SOS1: variants seen among roughly 807,000 people sequenced by gnomAD.
SOS1 encodes SOS Ras/Rac guanine nucleotide exchange factor 1, also known as son of sevenless homolog 1.
SOS1 carries 25 observed loss-of-function variants against 157.6 expected under a neutral mutation model. The ratio of observed to expected loss-of-function variants is 0.16; its 90% CI spans 0.12 to 0.22. The LOEUF (loss-of-function observed/expected upper bound fraction) is 0.22. SOS1 is among the 10% of genes least tolerant of loss of function. SOS1 has a pLI of 1.00. For missense variants in SOS1, 1,237 were observed against 1,599.1 expected, an observed-to-expected ratio of 0.77 and a Z score of 3.86; for synonymous variants, 528 against 534.0, an observed-to-expected ratio of 0.99 and a Z score of 0.16.
At chr2:39,049,887 A>T (rs942051774) in intron 6 of SOS1, among the ~76,000 whole-genome samples, 1 of 152,238 alleles carries the variant, frequency 6.6e-6, no homozygotes, top group East Asian at 1.9e-4. Context: ...GCATCCTGTT[A>T]TAAGGAGGGA....
At chr2:39,027,369 A>C (rs1669999559) in intron 8 of SOS1, among the ~76,000 whole-genome samples, 2 of 152,250 alleles carry the variant, frequency 1.3e-5, no homozygotes, top group Non-Finnish European at 2.9e-5. Flanking sequence ...ACAAACCCAA[A>C]GTACATTTCA....
chr2:39,022,257 A>C (rs1259273146), intron 10 of SOS1, among the ~76,000 whole-genome samples: 4 of 151,846 alleles, frequency 2.6e-5, no homozygotes, highest in Non-Finnish European at 5.9e-5. Context: ...GGAGTAAAAA[A>C]CTTTTTAGAT....
chr2:39,007,052 G>A lies in SOS1; in HGVS notation c.2652C>T (p.Tyr884=). 1 of 1,611,498 alleles carries A rather than the reference G, an allele frequency of 6.2e-7. No homozygotes were observed. Among genetic ancestry groups the A allele is most frequent in the Non-Finnish European group, 8.5e-7 (1 of 1,177,752 alleles). The change falls in exon 16 of 23, where the codon TAC becomes TAT. Residue 884 remains tyrosine (Y), a synonymous_variant. Transcript: ENST00000402219. ...VVSAMNSSPV[Y]RLDHTFEQIP... is the part of the protein sequence containing the mutation. Reference sequence around the variant, plus strand: ...CTACCTCAAATGTGTGGTCTAGTCTGTAAACAGGTGATGAATTCATAGCAC... The same window carrying A: ...CTACCTCAAATGTGTGGTCTAGTCTATAAACAGGTGATGAATTCATAGCAC...
intron 8 of SOS1, among the ~76,000 whole-genome samples, chr2:39,025,294 GA>G (rs1431147585): frequency 6.6e-6 from 1 of 151,630 alleles, no homozygotes; most frequent in Non-Finnish European, 1.5e-5. Flanking sequence ...TACCATGAAT[GA>G]AAAGACTTGA....
intron 17 of SOS1, among the ~76,000 whole-genome samples, chr2:39,005,707 A>C (rs1169267890): frequency 1.3e-5 from 2 of 152,080 alleles, no homozygotes; most frequent in African/African-American, 2.4e-5. Context: ...TATATAAAAA[A>C]TATAGATGAG....
rs772787416 is a variant in SOS1 at position 38,997,065 on chromosome 2, TTAA to T, written c.2965-30_2965-28del. 4.4e-5 allele frequency: 54 copies of T among 1,219,960 alleles called. No homozygotes were observed. The African/African-American group carries it at 8.0e-4, about 18-fold the overall frequency. 75.6% of individuals were successfully genotyped at this position (1,219,960 alleles called of 1,614,324 possible). ...TAAAATAAATGCAAAGAAAAAATTATTAATATTCAAAATTATAAATTCAGTTTG... is the reference window on the plus strand; with the variant it reads ...TAAAATAAATGCAAAGAAAAAATTATTATTCAAAATTATAAATTCAGTTTG... On this transcript the variant is annotated intron_variant, in intron 18 of 22. Transcript: ENST00000402219.
rs528245950 is a variant in SOS1 at position 38,983,093 on chromosome 2, A to G, written c.*2731T>C. 6.6e-6 allele frequency: 1 copy of G among 152,274 alleles called. No homozygotes were observed. The highest frequency in any genetic ancestry group is 1.9e-4 in the East Asian group (1 of 5,188). The allele number at this position is 152,274 out of a possible 1,614,324, so 9.4% of individuals were successfully genotyped here. Reference sequence around the variant, plus strand: ...AGTCTTAAAATACATCAGCCTTGAAATATTTTCATTTCTAAAAGAAATGTT... The same window carrying G: ...AGTCTTAAAATACATCAGCCTTGAAGTATTTTCATTTCTAAAAGAAATGTT... On this transcript the variant is annotated 3_prime_UTR_variant, in exon 23 of 23. Transcript: ENST00000402219.
intron 22 of SOS1, 22 bp downstream of exon 22, chr2:38,987,451 A>C: frequency 8.2e-7 from 1 of 1,222,968 alleles, no homozygotes. Flanking sequence ...CAATTTCTAC[A>C]CAACAAGATT....
At position 39,012,316 on chromosome 2, in the gene SOS1, T is replaced by G. The variant is rs727503437; in HGVS notation, c.2200A>C (p.Thr734Pro). Residue 734 changes from threonine to proline, a missense_variant, in exon 14 of 23, where the codon ACT becomes CCT. Physicochemically the swap from Thr to Pro is conservative, Grantham distance 38. Around this residue, in one of 15 missense-constraint regions of SOS1, gnomAD observed 42 missense variants for 80.4 expected, o/e 0.52. Transcript: ENST00000402219. Reference sequence around the variant, plus strand: ...ATTTTTTTCCTTTGGATTATTTTAGTGATGGATTCAACCCATTTTTTCATT... The same window carrying G: ...ATTTTTTTCCTTTGGATTATTTTAGGGATGGATTCAACCCATTTTTTCATT... Reference protein sequence around the residue: ...KAMKKWVESITKIIQRKKIAR... With the variant: ...KAMKKWVESIPKIIQRKKIAR... 6.2e-7 allele frequency: 1 copy of G among 1,610,390 alleles called. No homozygotes were observed. Among genetic ancestry groups the G allele is most frequent in the African/African-American group, 1.3e-5 (1 of 74,826 alleles).
Position 38,985,290 on chromosome 2 carries a change from G to A in SOS1, c.*534C>T, listed in dbSNP as rs773935049. On this transcript the variant is annotated 3_prime_UTR_variant, in exon 23 of 23. Transcript: ENST00000402219. ...GTAAACAGGCCTGTAGTACAGTGCCGGGCCTTGATTTCAACAAGGTCAGGT... is the reference window on the plus strand; with the variant it reads ...GTAAACAGGCCTGTAGTACAGTGCCAGGCCTTGATTTCAACAAGGTCAGGT... 8.4e-4 allele frequency: 146 copies of A among 173,506 alleles called. 1 individual carries two copies. The highest frequency in any genetic ancestry group is 3.0e-3 in the Middle Eastern group (1 of 332). The allele number at this position is 173,506 out of a possible 1,614,324, so 10.7% of individuals were successfully genotyped here. A position where few individuals can be genotyped will look rare whatever the true frequency, so the allele number is the denominator to read the frequency against.
intron 6 of SOS1, among the ~76,000 whole-genome samples, chr2:39,040,059 T>A (rs1478936089): frequency 6.6e-6 from 1 of 152,154 alleles, no homozygotes; most frequent in African/African-American, 2.4e-5. Context: ...TCGCCCAGGC[T>A]GGAGTGCAGT....
intron 1 of SOS1, among the ~76,000 whole-genome samples, chr2:39,074,489 G>A (rs536895076): frequency 2.6e-5 from 4 of 152,132 alleles, no homozygotes; most frequent in South Asian, 2.1e-4. Context: ...GCTTGAACCC[G>A]AGAGGCAGAG....
chr2:39,110,454 T>C (rs1412504248), intron 1 of SOS1, among the ~76,000 whole-genome samples: 1 of 151,230 alleles, frequency 6.6e-6, no homozygotes, highest in Non-Finnish European at 1.5e-5. Flanking sequence ...TTCATAAAAA[T>C]ATCAACACAA....
At chr2:39,022,520 T>G (rs1478997451) in intron 10 of SOS1, 50 bp downstream of exon 10, 6 of 1,434,340 alleles carry the variant, frequency 4.2e-6, no homozygotes, top group Non-Finnish European at 5.9e-6. Context: ...GGAAAGAAAA[T>G]CAGTTTGAAG....
Position 39,120,386 on chromosome 2 carries a change from C to T in SOS1, c.37G>A (p.Glu13Lys). 6.2e-7 allele frequency: 1 copy of T among 1,601,848 alleles called. No homozygotes were observed. Among genetic ancestry groups the T allele is most frequent in the Non-Finnish European group, 8.5e-7 (1 of 1,175,298 alleles). ...AQQLPYEFFS[E>K]ENAPKWRGLL... is the part of the protein sequence containing the mutation. Reference sequence around the variant, plus strand: ...CCCCGCCACTTGGGCGCGTTCTCTTCGCTGAAAAACTCGTAGGGCAGCTGC... The same window carrying T: ...CCCCGCCACTTGGGCGCGTTCTCTTTGCTGAAAAACTCGTAGGGCAGCTGC... Residue 13 changes from glutamate (E) to lysine (K), a missense_variant, in exon 1 of 23, where the codon GAA becomes AAA. Glu to Lys is a moderately conservative substitution (Grantham distance 56). This residue lies in a region of SOS1 where 99 missense variants were observed against 81.6 expected (regional missense o/e 1.21). Transcript: ENST00000402219.
rs1264018180 is a variant in SOS1, at chr2:39,012,276, C to G, written c.2240G>C (p.Gly747Ala). 1 of 1,613,374 alleles carries G rather than the reference C, an allele frequency of 6.2e-7. No homozygotes were observed. Among genetic ancestry groups the G allele is most frequent in the Non-Finnish European group, 8.5e-7 (1 of 1,179,528 alleles). The change falls in exon 14 of 23, where the codon GGA becomes GCA. Residue 747 changes from glycine (G) to alanine (A), a missense_variant. Around this residue, in one of 15 missense-constraint regions of SOS1, gnomAD observed 39 missense variants for 40.5 expected, o/e 0.96. Coordinates refer to ENST00000402219, the MANE Select transcript of SOS1 (RefSeq NM_005633.4). The stretch of plus-strand genomic sequence containing the variant: ...CTGAAATGTAATATTATGACCTGGT[C>G]CATTGTCTCTTGCAATTTTTTTCCT... ...IQRKKIARDN[G>A]PGHNITFQSS...
At chr2:38,995,087 CA>C (rs1668847524) in intron 20 of SOS1, 35 bp downstream of exon 20, 1 of 1,593,084 alleles carries the variant, frequency 6.3e-7, no homozygotes, top group Non-Finnish European at 8.6e-7. Context: ...ATAGTACTAA[CA>C]AATACCTTAA....
rs1668490404 is a variant in SOS1 at position 38,984,408 on chromosome 2, G to A, written c.*1416C>T. 1 of 152,134 alleles carries A rather than the reference G, an allele frequency of 6.6e-6. No homozygotes were observed. Among genetic ancestry groups the A allele is most frequent in the Admixed American group, 6.6e-5 (1 of 15,258 alleles). The allele number at this position is 152,134 out of a possible 1,614,324, so 9.4% of individuals were successfully genotyped here. ...GCAGGTAGATGTTCTATTATGAATA[G>A]TTTTGATAAAGCAGAAAACCTCAAG... On this transcript the variant is annotated 3_prime_UTR_variant, in exon 23 of 23. Transcript: ENST00000402219.
At chr2:39,049,629 A>G (rs894379007) in intron 6 of SOS1, among the ~76,000 whole-genome samples, 1 of 152,024 alleles carries the variant, frequency 6.6e-6, no homozygotes, top group African/African-American at 2.4e-5. Flanking sequence ...GTTTTTTGGA[A>G]TTCTGTATTA....
Sources: gnomAD v4.1 joint callset for allele counts (sites outside exome capture counted in the v4.1 genomes callset) on GRCh38, gnomAD v4.1.1 for gene constraint, gnomAD v4.1.1 regional missense constraint, MANE v1.5 for transcripts, NCBI Gene and HGNC (gene_info 2026-07-23, HGNC 2026-07-21) for gene names.